RSU1: variants seen among roughly 807,000 people sequenced by gnomAD.
RSU1 encodes the protein rsu-1.
In RSU1, 26 loss-of-function variants were observed where a neutral mutation model predicts 31.1. That is an observed-to-expected ratio of 0.84 (90% CI 0.61 to 1.16). The LOEUF is 1.16. RSU1 is among the 50% of genes most tolerant of loss of function. The pLI, the probability that RSU1 is intolerant of heterozygous loss-of-function variation, is 0.00. For synonymous variants in RSU1, 164 were observed against 136.3 expected, an observed-to-expected ratio of 1.20 and a Z score of -1.41; for missense variants, 320 against 339.1, an observed-to-expected ratio of 0.94 and a Z score of 0.44.
At chr10:16,750,331 T>C (rs1395272005) in intron 7 of RSU1, among the ~76,000 whole-genome samples, 1 of 152,144 alleles carries the variant, frequency 6.6e-6, no homozygotes, top group African/African-American at 2.4e-5. Context: ...ATCAGGCAAA[T>C]GTTAAGATTA....
Position 16,592,711 on chromosome 10 carries a change from T to TTTCTG in RSU1, c.*682_*683insCAGAA, listed in dbSNP as rs1833529564. On this transcript the variant is annotated 3_prime_UTR_variant, in exon 9 of 9. Coordinates refer to ENST00000345264, the MANE Select transcript of RSU1 (RefSeq NM_012425.4). ...TTTTTCTGCTTCCTAATTTAGAAAG[T>TTTCTG]CTTCAAAGAAAAAAAAAACTTGACA... 6.6e-6 allele frequency: 1 copy of TTTCTG among 151,474 alleles called. No individual in the cohort carries two copies. Among genetic ancestry groups the TTTCTG allele is most frequent in the South Asian group, 2.1e-4 (1 of 4,818 alleles). 9.4% of individuals were successfully genotyped at this position (151,474 alleles called of 1,614,324 possible).
At position 16,775,095 on chromosome 10, in the gene RSU1, T is replaced by C. The variant is rs536118309; in HGVS notation, c.160+6939A>G. ...GATGCTCTACAAGAATGTATGTACC[T>C]AAGTATTGCACCTCTTAGTGTATCT... On this transcript the variant is annotated intron_variant, in intron 3 of 8. Coordinates refer to ENST00000345264, the MANE Select transcript of RSU1 (RefSeq NM_012425.4). Among the ~76,000 whole-genome samples, 54 of 152,278 alleles carry C rather than the reference T, an allele frequency of 3.5e-4. No homozygotes were observed. In the South Asian group the frequency reaches 0.011, roughly 32 times the overall value.
At chr10:16,679,888 T>G (rs1441296248) in intron 8 of RSU1, among the ~76,000 whole-genome samples, 3 of 149,330 alleles carry the variant, frequency 2.0e-5, no homozygotes, top group Non-Finnish European at 4.5e-5. Flanking sequence ...TTTTTTTTTT[T>G]TTTTTTTTTA....
intron 7 of RSU1, among the ~76,000 whole-genome samples, chr10:16,699,107 T>C (rs1835736711): frequency 6.6e-6 from 1 of 152,222 alleles, no homozygotes; most frequent in Non-Finnish European, 1.5e-5. Flanking sequence ...ATAATGTCCG[T>C]GGCAAACCTT....
intron 8 of RSU1, among the ~76,000 whole-genome samples, chr10:16,616,377 A>AAT (rs1833977363): frequency 1.1e-5 from 1 of 93,700 alleles, no homozygotes; most frequent in African/African-American, 6.3e-5. Flanking sequence ...CAACCAAAAA[A>AAT]AAAAAAAAAA....
At chr10:16,764,577 C>T in intron 3 of RSU1, 67 bp from the exon 4 acceptor site, 2 of 1,501,266 alleles carry the variant, frequency 1.3e-6, no homozygotes, top group Admixed American at 2.1e-5. Context: ...GGCAGCGGCA[C>T]ATTTTGTTTT....
intron 2 of RSU1, among the ~76,000 whole-genome samples, chr10:16,788,495 A>C (rs1321487472): frequency 6.6e-6 from 1 of 152,180 alleles, no homozygotes; most frequent in Non-Finnish European, 1.5e-5. Context: ...AGGATACAAG[A>C]AGGTGGCCTT....
chr10:16,657,143 A>C (rs923057636), intron 8 of RSU1, among the ~76,000 whole-genome samples: 2 of 152,216 alleles, frequency 1.3e-5, no homozygotes, highest in African/African-American at 4.8e-5. Flanking sequence ...AACAGGAGCC[A>C]CATTAACCTC....
intron 7 of RSU1, among the ~76,000 whole-genome samples, chr10:16,710,579 TTATTAGTTCTTCTTCAAATGTTTTG>T (rs1354362891): frequency 7.3e-5 from 11 of 151,116 alleles, no homozygotes; most frequent in African/African-American, 2.5e-4. Flanking sequence ...AGGAGAACTG[TTATTAGTTCTTCTTCAAATGTTTTG>T]TAGAATTCAG....
intron 8 of RSU1, among the ~76,000 whole-genome samples, chr10:16,662,311 A>G (rs1834903744): frequency 6.6e-6 from 1 of 152,208 alleles, no homozygotes; most frequent in South Asian, 2.1e-4. Context: ...TTTGAGAAAT[A>G]CTGGTAAATT....
At chr10:16,773,650 A>T (rs1837469993) in intron 3 of RSU1, among the ~76,000 whole-genome samples, 1 of 152,182 alleles carries the variant, frequency 6.6e-6, no homozygotes, top group Admixed American at 6.5e-5. Flanking sequence ...CCTCCACGTA[A>T]TACAGAGTGG....
At chr10:16,599,305 C>T (rs750799701) in intron 8 of RSU1, among the ~76,000 whole-genome samples, 15 of 152,298 alleles carry the variant, frequency 9.8e-5, no homozygotes, top group African/African-American at 3.6e-4. Context: ...CCCCCAGGGC[C>T]TTGGTGAACA....
At chr10:16,754,754 GA>G in intron 5 of RSU1, 116 bp downstream of exon 5, 1 of 688,776 alleles carries the variant, frequency 1.5e-6, no homozygotes, top group Non-Finnish European at 2.5e-6. Flanking sequence ...AGTCTCTAAA[GA>G]AAAAATTATC....
chr10:16,667,678 G>A (rs879611177), intron 8 of RSU1, among the ~76,000 whole-genome samples: 25 of 152,066 alleles, frequency 1.6e-4, no homozygotes, highest in Non-Finnish European at 2.6e-4. Flanking sequence ...AGTAGAGACA[G>A]CGTTTTGCCA....
At chr10:16,695,616 C>T (rs1201838407) in intron 7 of RSU1, among the ~76,000 whole-genome samples, 2 of 152,154 alleles carry the variant, frequency 1.3e-5, no homozygotes, top group Non-Finnish European at 2.9e-5. Context: ...CCAAGCCAAA[C>T]CGTTGTTACT....
At chr10:16,760,466 G>T (rs1837186772) in intron 4 of RSU1, among the ~76,000 whole-genome samples, 1 of 150,110 alleles carries the variant, frequency 6.7e-6, no homozygotes, top group Non-Finnish European at 1.5e-5. Flanking sequence ...CCGAGATCAT[G>T]CCATTGCACT....
At chr10:16,601,147 C>T (rs1194728654) in intron 8 of RSU1, among the ~76,000 whole-genome samples, 1 of 152,126 alleles carries the variant, frequency 6.6e-6, no homozygotes, top group Non-Finnish European at 1.5e-5. Flanking sequence ...CCTCATCAGC[C>T]CACTGGGACA....
chr10:16,647,230 C>T (rs1253396551), intron 8 of RSU1, among the ~76,000 whole-genome samples: 2 of 152,158 alleles, frequency 1.3e-5, no homozygotes, highest in African/African-American at 4.8e-5. Flanking sequence ...CCTCGGCCTC[C>T]CAAAGTGTTG....
chr10:16,772,191 A>G (rs1426641909), intron 3 of RSU1, among the ~76,000 whole-genome samples: 1 of 152,256 alleles, frequency 6.6e-6, no homozygotes, highest in Non-Finnish European at 1.5e-5. Flanking sequence ...GGCATAAGCA[A>G]GTGATAAGGT....
Sources: allele counts gnomAD v4.1 joint callset (sites outside exome capture counted in the v4.1 genomes callset), GRCh38; gene constraint gnomAD v4.1.1; transcripts MANE v1.5; gene names NCBI Gene and HGNC (gene_info 2026-07-23, HGNC 2026-07-21).